Variants in ZBTB20 observed in about 807,000 individuals in gnomAD.
ZBTB20 encodes the protein zinc finger and BTB domain containing 20.
ZBTB20 carries 9 observed loss-of-function variants against 56.9 expected under a neutral mutation model. That is an observed-to-expected ratio of 0.16 (90% CI 0.10 to 0.28). The LOEUF (loss-of-function observed/expected upper bound fraction) is 0.28, where lower values mean the gene tolerates loss of function less well. Ranked by LOEUF, ZBTB20 falls within the 10% of genes least tolerant of loss-of-function variation. ZBTB20 has a pLI of 1.00. For synonymous variants in ZBTB20, 417 were observed against 420.7 expected, an observed-to-expected ratio of 0.99 and a Z score of 0.11; for missense variants, 655 against 1,003.0, an observed-to-expected ratio of 0.65 and a Z score of 4.69.
rs2078827186 is a variant in ZBTB20 at position 114,319,798 on chromosome 3, TCTC to T, written c.*19204_*19206del. 1 of 124,396 alleles carries T rather than the reference TCTC, an allele frequency of 8.0e-6. No homozygotes were observed. Among genetic ancestry groups the T allele is most frequent in the Non-Finnish European group, 1.6e-5 (1 of 60,632 alleles). The allele number at this position is 124,396 out of a possible 1,614,324, so 7.7% of individuals were successfully genotyped here. On this transcript the variant is annotated 3_prime_UTR_variant, in exon 12 of 12. Coordinates refer to ENST00000675478, the MANE Select transcript of ZBTB20 (RefSeq NM_001348800.3). ...ACACATACATCTTGAAAAACCACTT[TCTC>T]AAGCATATACATATATATATATATA...
At chr3:114,850,034 G>A (rs2074921698) in intron 4 of ZBTB20, among the ~76,000 whole-genome samples, 1 of 151,418 alleles carries the variant, frequency 6.6e-6, no homozygotes, top group South Asian at 2.1e-4. Context: ...TGAGTAGCTG[G>A]GACTACAGGT....
intron 5 of ZBTB20, among the ~76,000 whole-genome samples, chr3:114,748,368 C>T (rs1417343185): frequency 1.4e-5 from 2 of 144,338 alleles, no homozygotes; most frequent in Non-Finnish European, 3.0e-5. Context: ...CTCTCTCTCT[C>T]TCTCTCTCTC....
chr3:114,660,853 A>G (rs1157484920), intron 6 of ZBTB20, among the ~76,000 whole-genome samples: 1 of 152,116 alleles, frequency 6.6e-6, no homozygotes, highest in African/African-American at 2.4e-5. Flanking sequence ...ATGAAAACAC[A>G]AGGAACTAGA....
At chr3:114,897,475 G>T (rs1420911462) in intron 4 of ZBTB20, among the ~76,000 whole-genome samples, 1 of 152,044 alleles carries the variant, frequency 6.6e-6, no homozygotes, top group South Asian at 2.1e-4. Context: ...CCCTGAAATC[G>T]CAGGGGAACC....
At chr3:114,594,393 T>C (rs201419981) in intron 6 of ZBTB20, among the ~76,000 whole-genome samples, 3 of 151,682 alleles carry the variant, frequency 2.0e-5, no homozygotes, top group East Asian at 3.9e-4. Context: ...CAGCCTCCCA[T>C]GTAGCTGGGA....
At chr3:114,380,193 C>T in intron 10 of ZBTB20, 24 bp downstream of exon 10, 2 of 1,521,242 alleles carry the variant, frequency 1.3e-6, no homozygotes, top group Non-Finnish European at 1.8e-6. Flanking sequence ...TGCAAAGACA[C>T]CATCACCTTA....
intron 6 of ZBTB20, among the ~76,000 whole-genome samples, chr3:114,648,178 A>G (rs1007538497): frequency 6.6e-6 from 1 of 151,862 alleles, no homozygotes; most frequent in Admixed American, 6.6e-5. Context: ...ACAATTAATT[A>G]TAATTAATAT....
At chr3:114,682,800 C>T (rs1481942884) in intron 6 of ZBTB20, among the ~76,000 whole-genome samples, 1 of 152,164 alleles carries the variant, frequency 6.6e-6, no homozygotes, top group Non-Finnish European at 1.5e-5. Context: ...CATCCATAAA[C>T]TTTACCATAT....
rs2067742470 is a variant in ZBTB20, at chr3:114,753,400, T to TAC, written c.-343+47700_-343+47701insGT. Among the ~76,000 whole-genome samples the TAC allele has an allele frequency of 4.8e-5, 7 of 145,324 alleles. 2 individuals carry two copies. The highest frequency in any genetic ancestry group is 1.8e-4 in the African/African-American group (7 of 39,116). On this transcript the variant is annotated intron_variant, in intron 5 of 11. Coordinates refer to ENST00000675478, the MANE Select transcript of ZBTB20 (RefSeq NM_001348800.3). ...GTATATACACATACATGTATGTATA[T>TAC]ATATACACACACGTATATATATATA...
At chr3:114,912,492 A>G (rs2075581450) in intron 3 of ZBTB20, among the ~76,000 whole-genome samples, 1 of 151,820 alleles carries the variant, frequency 6.6e-6, no homozygotes, top group Non-Finnish European at 1.5e-5. Flanking sequence ...CACAGTAAGT[A>G]TATATATTTA....
chr3:114,470,933 G>A (rs1260398774), intron 7 of ZBTB20, among the ~76,000 whole-genome samples: 4 of 152,138 alleles, frequency 2.6e-5, no homozygotes, highest in South Asian at 2.1e-4. Flanking sequence ...AGGAGATTAA[G>A]TCTCTGATCT....
intron 3 of ZBTB20, among the ~76,000 whole-genome samples, chr3:114,922,582 T>C (rs1291180696): frequency 2.0e-5 from 3 of 152,230 alleles, no homozygotes; most frequent in Admixed American, 1.3e-4. Flanking sequence ...GGGCATTGCT[T>C]ATTACCTAAG....
intron 4 of ZBTB20, among the ~76,000 whole-genome samples, chr3:114,857,772 T>C (rs2075317192): frequency 6.6e-6 from 1 of 152,166 alleles, no homozygotes; most frequent in South Asian, 2.1e-4. Context: ...CCCTGTATGG[T>C]GGCCATTTTG....
chr3:114,467,788 T>C (rs1037032198), intron 7 of ZBTB20, among the ~76,000 whole-genome samples: 1 of 152,246 alleles, frequency 6.6e-6, no homozygotes, highest in African/African-American at 2.4e-5. Flanking sequence ...AATTTTTATA[T>C]GCAGGTTAAT....
intron 1 of ZBTB20, among the ~76,000 whole-genome samples, chr3:115,087,892 A>T (rs908257489): frequency 3.3e-5 from 5 of 151,976 alleles, no homozygotes; most frequent in Non-Finnish European, 7.4e-5. Context: ...GTCAAAGTTA[A>T]ACATGCCCAG....
chr3:114,566,887 G>T (rs961035775), intron 6 of ZBTB20, among the ~76,000 whole-genome samples: 1 of 152,200 alleles, frequency 6.6e-6, no homozygotes, highest in African/African-American at 2.4e-5. Context: ...GTGATTTCAA[G>T]CATTTTAAGC....
intron 10 of ZBTB20, among the ~76,000 whole-genome samples, chr3:114,354,391 T>C (rs2080997028): frequency 6.6e-6 from 1 of 152,188 alleles, no homozygotes; most frequent in African/African-American, 2.4e-5. Context: ...GTTACAACAA[T>C]AACACTAGAG....
intron 7 of ZBTB20, among the ~76,000 whole-genome samples, chr3:114,410,497 C>A (rs910488567): frequency 6.6e-6 from 1 of 152,162 alleles, no homozygotes; most frequent in Admixed American, 6.5e-5. Context: ...CTGAGAGACA[C>A]AGATGGTCTG....
intron 6 of ZBTB20, among the ~76,000 whole-genome samples, chr3:114,559,202 C>G (rs1335660043): frequency 6.6e-6 from 1 of 152,116 alleles, no homozygotes; most frequent in East Asian, 1.9e-4. Context: ...AATGACCAAA[C>G]AGTAAATAAA....
Sources: gnomAD v4.1 joint callset for allele counts (sites outside exome capture counted in the v4.1 genomes callset) on GRCh38, gnomAD v4.1.1 for gene constraint, MANE v1.5 for transcripts, NCBI Gene and HGNC (gene_info 2026-07-23, HGNC 2026-07-21) for gene names.